The following DNM1L variants were observed in gnomAD, a reference collection of about 807,000 sequenced individuals.
DNM1L encodes dynamin 1L.
In DNM1L, 33 loss-of-function variants were observed where a neutral mutation model predicts 92.8. The ratio of observed to expected loss-of-function variants is 0.36; its 90% CI spans 0.27 to 0.48. The LOEUF is 0.48. Ranked by LOEUF, DNM1L falls within the 20% of genes least tolerant of loss-of-function variation. DNM1L has a pLI of 0.99. For synonymous variants in DNM1L, 284 were observed against 305.0 expected (o/e 0.93, Z 0.72); for missense variants, 485 against 888.8 (o/e 0.55, Z 5.78).
At chr12:32,689,535 C>A (rs529136204) in intron 1 of DNM1L, among the ~76,000 whole-genome samples, 2 of 152,182 alleles carry the variant, frequency 1.3e-5, no homozygotes, top group East Asian at 3.9e-4. Flanking sequence ...TCTAAGGACA[C>A]TCTTAGAAAT....
Position 32,743,628 on chromosome 12 carries a change from T to C in DNM1L, c.*218T>C. 1 of 558,882 alleles carries C rather than the reference T, an allele frequency of 1.8e-6. No homozygotes were observed. Among genetic ancestry groups the C allele is most frequent in the South Asian group, 2.3e-5 (1 of 43,964 alleles). The allele number at this position is 558,882 out of a possible 1,614,324, so 34.6% of individuals were successfully genotyped here. A position where few individuals can be genotyped will look rare whatever the true frequency, so the allele number is the denominator to read the frequency against. On this transcript the variant is annotated 3_prime_UTR_variant, in exon 20 of 20. Transcript: ENST00000549701. ...TGTTTCTAAAGTTTCCCAGTATATATAAAATACATCAAGTCTGTCTTGTGA... is the reference window on the plus strand; with the variant it reads ...TGTTTCTAAAGTTTCCCAGTATATACAAAATACATCAAGTCTGTCTTGTGA...
chr12:32,714,922 C>T (rs951743936), intron 6 of DNM1L, among the ~76,000 whole-genome samples: 4 of 151,774 alleles, frequency 2.6e-5, no homozygotes, highest in African/African-American at 9.7e-5. Flanking sequence ...ATGGCTTGAG[C>T]CCGGGAGGCA....
chr12:32,717,090 ATATATATATTTTATATATT>A lies in DNM1L; in HGVS notation c.620-1534_620-1516del, dbSNP rs1430641871. The stretch of plus-strand genomic sequence containing the variant: ...ATACATAGGTATATATATATATTTT[ATATATATATTTTATATATT>A]TATATATATTTTATATATATACCTA... On this transcript the variant is annotated intron_variant, in intron 6 of 19. Transcript: ENST00000549701. Among the ~76,000 whole-genome samples, 445 of 129,630 alleles carry A rather than the reference ATATATATATTTTATATATT, an allele frequency of 3.4e-3. 1 individual carries two copies. Among genetic ancestry groups the A allele is most frequent in the African/African-American group, 0.011 (386 of 34,256 alleles). The allele number at this position is 129,630 out of a possible 152,430, so 85.0% of individuals were successfully genotyped here.
At chr12:32,730,942 A>T (rs1954516178) in intron 9 of DNM1L, 72 bp from the exon 10 acceptor site, 2 of 1,602,344 alleles carry the variant, frequency 1.2e-6, no homozygotes. Context: ...TAAAGCTTCT[A>T]GAAAGACTTC....
rs148496006 is a variant in DNM1L, at chr12:32,711,506, T to A, written c.456+491T>A. ...TGACCTGTTCCTCAACTAGATTTGG[T>A]ATTTCTATAGTCTTCCCCCATCGCA... On this transcript the variant is annotated intron_variant, in intron 5 of 19. Coordinates refer to ENST00000549701, the MANE Select transcript of DNM1L (RefSeq NM_012062.5). 4.2e-3 allele frequency among the ~76,000 whole-genome samples: 641 copies of A among 152,244 alleles called. 6 individuals are homozygous for A. The highest frequency in any genetic ancestry group is 0.015 in the African/African-American group (622 of 41,536).
Position 32,731,952 on chromosome 12 carries a change from CTATAG to C in DNM1L, c.1446+10_1446+14del. On this transcript the variant is annotated intron_variant, in intron 12 of 19. Coordinates refer to ENST00000549701, the MANE Select transcript of DNM1L (RefSeq NM_012062.5). This position sits in a 1 kb window ranked among gnomAD's most constrained non-coding sequence, Gnocchi z 5.1. ...CTGTTACAAATGAAATGGTGAGCTA[CTATAG>C]CATAGATCATTGTAATTACTATTAG... The C allele has an allele frequency of 6.2e-7, 1 of 1,600,450 alleles. No individual in the cohort carries two copies. Among genetic ancestry groups the C allele is most frequent in the Non-Finnish European group, 8.6e-7 (1 of 1,167,856 alleles).
chr12:32,745,644 T>C lies in DNM1L; in HGVS notation c.*2234T>C, dbSNP rs1955597045. On this transcript the variant is annotated 3_prime_UTR_variant, in exon 20 of 20. Coordinates refer to ENST00000549701, the MANE Select transcript of DNM1L (RefSeq NM_012062.5). The stretch of plus-strand genomic sequence containing the variant: ...CCTAATCTACTTTGGAACATAACCG[T>C]ATAGAGTACGAAAAATTTTACGACT... 1 of 152,198 alleles carries C rather than the reference T, an allele frequency of 6.6e-6. No individual in the cohort carries two copies. The allele number at this position is 152,198 out of a possible 1,614,324, so 9.4% of individuals were successfully genotyped here.
At chr12:32,687,543 A>G (rs1413276361) in intron 1 of DNM1L, among the ~76,000 whole-genome samples, 2 of 152,062 alleles carry the variant, frequency 1.3e-5, no homozygotes, top group Non-Finnish European at 2.9e-5. Context: ...CCTGAGTTCA[A>G]GCGATTCTTC....
chr12:32,726,280 C>T, intron 9 of DNM1L: 1 of 980,864 alleles, frequency 1.0e-6, no homozygotes, highest in Non-Finnish European at 1.6e-6. Flanking sequence ...ACAAAAATTA[C>T]CCAGTCTACC....
intron 5 of DNM1L, 166 bp downstream of exon 5, chr12:32,711,181 A>G (rs1342004266): frequency 3.1e-6 from 2 of 649,210 alleles, no homozygotes. Context: ...GGCTTCCAGG[A>G]TACCACACTC....
rs1373025030 is a variant in DNM1L at position 32,740,175 on chromosome 12, T to C, written c.1819T>C (p.Ser607Pro). The C allele has an allele frequency of 6.2e-7, 1 of 1,613,818 alleles. No individual in the cohort carries two copies. Among genetic ancestry groups the C allele is most frequent in the Non-Finnish European group, 8.5e-7 (1 of 1,180,014 alleles). The change falls in exon 17 of 20, where the codon TCA becomes CCA. Residue 607 changes from serine to proline, a missense_variant. Ser to Pro is a moderately conservative substitution (Grantham distance 74, BLOSUM62 -1). Coordinates refer to ENST00000549701, the MANE Select transcript of DNM1L (RefSeq NM_012062.5). ...KAEELLAEEK[S>P]KPIPIMPASP... The stretch of plus-strand genomic sequence containing the variant: ...TGAAGAGTTATTAGCAGAAGAAAAA[T>C]CAAAACCCATTCCAATTATGCCAGC...
chr12:32,682,384 G>T (rs925674413), intron 1 of DNM1L, among the ~76,000 whole-genome samples: 11 of 152,008 alleles, frequency 7.2e-5, no homozygotes, highest in African/African-American at 2.4e-4. Flanking sequence ...CACCCGTCTC[G>T]GCCTCCCAAA....
intron 1 of DNM1L, chr12:32,679,930 G>C: frequency 1.0e-6 from 1 of 986,006 alleles, no homozygotes; most frequent in South Asian, 4.7e-5. Flanking sequence ...TCCTTGCCTT[G>C]CCCAGGGACT....
At chr12:32,726,131 T>G (rs1165012980) in intron 9 of DNM1L, among the ~76,000 whole-genome samples, 3 of 151,620 alleles carry the variant, frequency 2.0e-5, no homozygotes, top group African/African-American at 7.3e-5. Context: ...ATATAAATAT[T>G]CCAGAAGAAC....
At chr12:32,729,565 T>G (rs991757658) in intron 9 of DNM1L, among the ~76,000 whole-genome samples, 1 of 152,168 alleles carries the variant, frequency 6.6e-6, no homozygotes, top group African/African-American at 2.4e-5. Context: ...TCATCCTGCC[T>G]CAGCCTCCTG....
At chr12:32,735,000 A>G (rs1954777836) in intron 13 of DNM1L, among the ~76,000 whole-genome samples, 1 of 152,230 alleles carries the variant, frequency 6.6e-6, no homozygotes, top group Admixed American at 6.5e-5. Flanking sequence ...AGGCACTTCA[A>G]AACACTCAGA....
chr12:32,686,457 C>T (rs925296615), intron 1 of DNM1L, among the ~76,000 whole-genome samples: 1 of 151,734 alleles, frequency 6.6e-6, no homozygotes, highest in African/African-American at 2.4e-5. Context: ...TACTATTGAG[C>T]TGTCACTCCC....
At chr12:32,691,299 C>T (rs897260473) in intron 1 of DNM1L, among the ~76,000 whole-genome samples, 5 of 152,104 alleles carry the variant, frequency 3.3e-5, no homozygotes, top group Non-Finnish European at 5.9e-5. Flanking sequence ...AGTGCAGAGG[C>T]GCGATCTCGG....
In DNM1L at chr12:32,743,648, TTG is replaced by T; in HGVS notation, c.*241_*242del. On this transcript the variant is annotated 3_prime_UTR_variant, in exon 20 of 20. Transcript: ENST00000549701. ...ATATATAAAATACATCAAGTCTGTC[TTG>T]TGACAGTTTCATCTGAACTTAACTT... The T allele has an allele frequency of 1.9e-6, 1 of 514,628 alleles. No homozygotes were observed. The highest frequency in any genetic ancestry group is 3.5e-6 in the Non-Finnish European group (1 of 288,878). The allele number at this position is 514,628 out of a possible 1,614,324, so 31.9% of individuals were successfully genotyped here.
Sources: gnomAD v4.1 joint callset for allele counts (sites outside exome capture counted in the v4.1 genomes callset) on GRCh38, gnomAD v4.1.1 for gene constraint, Gnocchi (gnomAD v3.1) non-coding constraint, MANE v1.5 for transcripts, NCBI Gene and HGNC (gene_info 2026-07-23, HGNC 2026-07-21) for gene names.